DAB1: variants seen among roughly 807,000 people sequenced by gnomAD.
The protein encoded by DAB1 is disabled homolog 1.
In DAB1, 15 loss-of-function variants were observed where a neutral mutation model predicts 64.6. The observed-to-expected ratio is 0.23, with a 90% confidence interval of 0.16 to 0.36. The LOEUF is 0.36. Ranked by LOEUF, DAB1 falls within the 10% of genes least tolerant of loss-of-function variation. DAB1 has a pLI of 1.00. For synonymous variants in DAB1, 235 were observed against 251.9 expected, an observed-to-expected ratio of 0.93 and a Z score of 0.64; for missense variants, 596 against 706.7, an observed-to-expected ratio of 0.84 and a Z score of 1.78.
intron 4 of DAB1, among the ~76,000 whole-genome samples, chr1:57,125,520 A>T (rs1157476189): frequency 6.6e-6 from 1 of 152,174 alleles, no homozygotes; most frequent in Non-Finnish European, 1.5e-5. Context: ...ATATGGCAAT[A>T]AAAAAGGTGA....
At chr1:57,605,854 T>C (rs900747115) in intron 7 of DAB1, 12 of 584,354 alleles carry the variant, frequency 2.1e-5, no homozygotes, top group South Asian at 3.3e-5. Context: ...GACTTAAGCA[T>C]CTGCAACGGT....
At chr1:57,459,009 A>G (rs910426384) in intron 7 of DAB1, among the ~76,000 whole-genome samples, 3 of 152,122 alleles carry the variant, frequency 2.0e-5, no homozygotes, top group African/African-American at 7.2e-5. Context: ...TGAGTCAAAA[A>G]GTTTTGATGA....
intron 1 of DAB1, among the ~76,000 whole-genome samples, chr1:57,344,899 C>CCAAGGT (rs1248326169): frequency 1.3e-5 from 2 of 152,106 alleles, no homozygotes; most frequent in Non-Finnish European, 2.9e-5. Flanking sequence ...TCACAGCATG[C>CCAAGGT]ATGGAATACC....
intron 1 of DAB1, among the ~76,000 whole-genome samples, chr1:57,318,639 C>T (rs148160531): frequency 1.3e-5 from 2 of 151,718 alleles, no homozygotes; most frequent in Non-Finnish European, 2.9e-5. Flanking sequence ...GATTCTTCCA[C>T]CCTCTATTAG....
chr1:57,618,287 T>C lies in DAB1; in HGVS notation n.625+31305A>G, dbSNP rs187425011. 2.6e-5 allele frequency among the ~76,000 whole-genome samples: 4 copies of C among 152,052 alleles called. No individual in the cohort carries two copies. The East Asian group carries it at 7.8e-4, about 30-fold the overall frequency. ...AAAATTAGCTGGGCATGGTGGTGCA[T>C]GCCTGTAATCCCAGCTACTTGGAAG... On this transcript the variant is annotated intron_variant and non_coding_transcript_variant, in intron 7 of 20. Transcript: ENST00000485760.
intron 6 of DAB1, among the ~76,000 whole-genome samples, chr1:57,731,952 A>G (rs1444608415): frequency 6.6e-6 from 1 of 152,168 alleles, no homozygotes; most frequent in East Asian, 1.9e-4. Context: ...CATCCGAGCA[A>G]GGGACCAACT....
chr1:57,672,326 T>C (rs1166357543), intron 6 of DAB1, among the ~76,000 whole-genome samples: 1 of 152,208 alleles, frequency 6.6e-6, no homozygotes, highest in Non-Finnish European at 1.5e-5. Context: ...AAGAATGGTA[T>C]GTAGTTAATA....
chr1:58,034,189 C>G (rs995935644), intron 5 of DAB1, among the ~76,000 whole-genome samples: 1 of 152,214 alleles, frequency 6.6e-6, no homozygotes, highest in African/African-American at 2.4e-5. Flanking sequence ...CTCGCTTGCT[C>G]GGATAAAGCT....
chr1:58,275,826 A>G (rs1661430827), intron 4 of DAB1, among the ~76,000 whole-genome samples: 1 of 152,252 alleles, frequency 6.6e-6, no homozygotes, highest in Non-Finnish European at 1.5e-5. Context: ...TTCTGGATAT[A>G]TATCCAAAAG....
At chr1:58,199,051 G>A (rs1005022481) in intron 4 of DAB1, among the ~76,000 whole-genome samples, 26 of 152,184 alleles carry the variant, frequency 1.7e-4, no homozygotes, top group Non-Finnish European at 3.2e-4. Flanking sequence ...AGGTTGCAGT[G>A]AGCCAAGATT....
intron 7 of DAB1, among the ~76,000 whole-genome samples, chr1:57,536,688 C>T (rs1322267467): frequency 8.3e-6 from 1 of 120,724 alleles, no homozygotes; most frequent in Non-Finnish European, 1.7e-5. Flanking sequence ...GTCCATGAGA[C>T]AAGGAAAAAA....
chr1:57,821,419 G>A (rs77946702), downstream of DAB1, among the ~76,000 whole-genome samples: 43 of 128,854 alleles, frequency 3.3e-4, no homozygotes, highest in East Asian at 9.3e-3. Flanking sequence ...TCTGTAATTG[G>A]CAGGATCTAC....
chr1:58,160,056 A>G (rs1338927653), intron 4 of DAB1, among the ~76,000 whole-genome samples: 1 of 152,192 alleles, frequency 6.6e-6, no homozygotes, highest in African/African-American at 2.4e-5. Context: ...ACAAATGAAC[A>G]AAAGTAAGCT....
intron 2 of DAB1, among the ~76,000 whole-genome samples, chr1:58,511,194 T>C (rs1224600930): frequency 2.0e-5 from 3 of 152,138 alleles, no homozygotes; most frequent in African/African-American, 7.2e-5. Flanking sequence ...AGAGTAAGAC[T>C]AGAGGCATCA....
intron 6 of DAB1, among the ~76,000 whole-genome samples, chr1:57,767,107 T>G (rs528746805): frequency 1.8e-4 from 27 of 152,058 alleles, no homozygotes; most frequent in South Asian, 2.1e-4. Flanking sequence ...TTATGGAGAA[T>G]TCATTAGTTA....
intron 7 of DAB1, among the ~76,000 whole-genome samples, chr1:57,561,230 C>T (rs953050988): frequency 6.6e-6 from 1 of 152,128 alleles, no homozygotes; most frequent in Non-Finnish European, 1.5e-5. Flanking sequence ...ACAGGTGGTT[C>T]TTAACAATAT....
chr1:57,040,132 G>T (rs1399394942), intron 9 of DAB1, among the ~76,000 whole-genome samples: 2 of 152,116 alleles, frequency 1.3e-5, no homozygotes, highest in Non-Finnish European at 2.9e-5. Context: ...ATTCATGCTG[G>T]TGGTTACTAG....
intron 1 of DAB1, among the ~76,000 whole-genome samples, chr1:57,875,736 G>T (rs1184625701): frequency 1.3e-5 from 2 of 152,146 alleles, no homozygotes; most frequent in African/African-American, 4.8e-5. Flanking sequence ...TTCTATCCAG[G>T]TTGCCGTATT....
intron 7 of DAB1, among the ~76,000 whole-genome samples, chr1:57,485,872 C>T (rs1356480833): frequency 6.6e-6 from 1 of 152,170 alleles, no homozygotes; most frequent in Non-Finnish European, 1.5e-5. Context: ...GAGATGTTTC[C>T]ATTGTTATTC....
Sources: gnomAD v4.1 joint callset for allele counts (sites outside exome capture counted in the v4.1 genomes callset) on GRCh38, gnomAD v4.1.1 for gene constraint, MANE v1.5 for transcripts, NCBI Gene and HGNC (gene_info 2026-07-23, HGNC 2026-07-21) for gene names.